KAZN: variants seen among roughly 807,000 people sequenced by gnomAD.
The protein encoded by KAZN is kazrin, periplakin interacting protein, also known as kazrin.
Under a neutral mutation model 87.4 loss-of-function variants are expected in KAZN, and 40 were observed. The observed-to-expected ratio is 0.46, with a 90% CI of 0.36 to 0.60. KAZN has a LOEUF of 0.60. KAZN is among the 20% of genes least tolerant of loss of function. The pLI, the probability that KAZN is intolerant of heterozygous loss-of-function variation, is 0.00. For missense variants in KAZN, 898 were observed against 1,073.9 expected, an observed-to-expected ratio of 0.84 and a Z score of 2.29; for synonymous variants, 466 against 458.3, an observed-to-expected ratio of 1.02 and a Z score of -0.22.
At chr1:14,695,708 G>A (rs141560427) in intron 1 of KAZN, among the ~76,000 whole-genome samples, 2,621 of 151,778 alleles carry the variant, frequency 0.017, 69 homozygotes, top group African/African-American at 0.049. Context: ...GTTTCATCAT[G>A]TTAGCCAGGC....
intron 1 of KAZN, among the ~76,000 whole-genome samples, chr1:14,818,400 A>T (rs1646635917): frequency 6.6e-6 from 1 of 152,238 alleles, no homozygotes; most frequent in Non-Finnish European, 1.5e-5. Flanking sequence ...AAGGAAATCC[A>T]GTGTAATAGC....
At chr1:14,202,184 A>G (rs1020612921) in intron 2 of KAZN, among the ~76,000 whole-genome samples, 1 of 152,204 alleles carries the variant, frequency 6.6e-6, no homozygotes, top group Admixed American at 6.5e-5. Flanking sequence ...AGGCAGGATT[A>G]GAACCAAGGC....
chr1:14,295,085 A>G (rs1654010137), intron 2 of KAZN, among the ~76,000 whole-genome samples: 1 of 152,066 alleles, frequency 6.6e-6, no homozygotes, highest in African/African-American at 2.4e-5. Flanking sequence ...TCATCCATCA[A>G]ATGAGGTTAA....
chr1:14,357,597 A>G (rs1253564435), intron 2 of KAZN, among the ~76,000 whole-genome samples: 1 of 152,198 alleles, frequency 6.6e-6, no homozygotes, highest in East Asian at 1.9e-4. Flanking sequence ...GATATGTTCC[A>G]TCAATACCTA....
At chr1:14,265,496 G>T (rs1651404181) in intron 2 of KAZN, among the ~76,000 whole-genome samples, 1 of 152,230 alleles carries the variant, frequency 6.6e-6, no homozygotes. Context: ...AAAAGCACTA[G>T]CCTTGAGCAG....
At chr1:14,983,486 G>A (rs866856548) in intron 2 of KAZN, among the ~76,000 whole-genome samples, 2 of 151,984 alleles carry the variant, frequency 1.3e-5, no homozygotes, top group Admixed American at 6.6e-5. Flanking sequence ...CCTCACCTGT[G>A]GTCGGTGGAA....
chr1:14,407,052 T>C (rs892201578), intron 2 of KAZN, among the ~76,000 whole-genome samples: 1 of 152,206 alleles, frequency 6.6e-6, no homozygotes, highest in African/African-American at 2.4e-5. Context: ...GTTTGCTTGT[T>C]TTCATGCTTT....
In KAZN at chr1:14,469,360, A is replaced by G. The variant is rs561975939; in HGVS notation, c.250-129623A>G. Among the ~76,000 whole-genome samples, 4 of 152,268 alleles carry G rather than the reference A, an allele frequency of 2.6e-5. No homozygotes were observed. The South Asian group carries it at 6.2e-4, about 24-fold the overall frequency. On this transcript the variant is annotated intron_variant, in intron 2 of 16. Transcript: ENST00000636203. ...CACTTTTATTTATCAGGAATGAAAA[A>G]CCAGTCCCCACACACAGCTAGTGAA...
In KAZN at chr1:15,094,394, C is replaced by T; in HGVS notation, c.1428+9C>T. 6.2e-7 allele frequency: 1 copy of T among 1,607,160 alleles called. No homozygotes were observed. Among genetic ancestry groups the T allele is most frequent in the Non-Finnish European group, 8.5e-7 (1 of 1,176,264 alleles). ...ACGTGAAGAGCGGGAAGGTAGGCAA[C>T]TCCGGGCCCCCTATGGGATGCCACC... On this transcript the variant is annotated intron_variant, in intron 9 of 14. Coordinates refer to ENST00000376030, the MANE Select transcript of KAZN (RefSeq NM_201628.3). The surrounding 1 kb of genome is among the most constrained non-coding windows in gnomAD (Gnocchi z 4.5).
intron 2 of KAZN, among the ~76,000 whole-genome samples, chr1:14,408,496 C>T (rs752273702): frequency 1.3e-5 from 2 of 151,066 alleles, no homozygotes; most frequent in East Asian, 4.0e-4. Context: ...ATTTTCTCAC[C>T]GTTGTCAAGG....
At chr1:14,333,844 C>A (rs1657024696) in intron 2 of KAZN, among the ~76,000 whole-genome samples, 1 of 152,062 alleles carries the variant, frequency 6.6e-6, no homozygotes, top group Non-Finnish European at 1.5e-5. Flanking sequence ...AGTTTTCCAG[C>A]AATGAGCAAA....
At position 14,568,183 on chromosome 1, in the gene KAZN, T is replaced by C. The variant is rs1341630856; in HGVS notation, c.250-30800T>C. Among the ~76,000 whole-genome samples the C allele has an allele frequency of 3.3e-5, 5 of 152,294 alleles. No individual in the cohort carries two copies. In the East Asian group the frequency reaches 9.7e-4, roughly 29 times the overall value. Reference sequence around the variant, plus strand: ...ATCCGTGCAAAAGAGGTCCTCCTCCTGGCCTTGAGGAAGCACAAAGCTACG... The same window carrying C: ...ATCCGTGCAAAAGAGGTCCTCCTCCCGGCCTTGAGGAAGCACAAAGCTACG... On this transcript the variant is annotated intron_variant, in intron 2 of 16. Transcript: ENST00000636203.
intron 1 of KAZN, among the ~76,000 whole-genome samples, chr1:13,955,497 G>A (rs1410707248): frequency 1.3e-5 from 2 of 151,802 alleles, no homozygotes; most frequent in African/African-American, 4.8e-5. Flanking sequence ...TGATTTTTGG[G>A]ATTTTAGACT....
rs555965323 is a variant in KAZN at position 14,671,662 on chromosome 1, T to C, written c.226+72439T>C. 6.5e-4 allele frequency among the ~76,000 whole-genome samples: 99 copies of C among 152,312 alleles called. 2 individuals are homozygous for C. The highest frequency in any genetic ancestry group is 3.4e-3 in the Middle Eastern group (1 of 294). On this transcript the variant is annotated intron_variant, in intron 1 of 14. Transcript: ENST00000376030. ...ATCCTTTTTTTTTTAAAGGACTGTTTGAAACATCCTAATTTTATGATGCCA... is the reference window on the plus strand; with the variant it reads ...ATCCTTTTTTTTTTAAAGGACTGTTCGAAACATCCTAATTTTATGATGCCA...
chr1:14,611,727 G>A (rs1007446184), intron 1 of KAZN, among the ~76,000 whole-genome samples: 14 of 152,002 alleles, frequency 9.2e-5, no homozygotes, highest in Non-Finnish European at 1.9e-4. Flanking sequence ...CCAAACTACT[G>A]GATATTATAG....
rs576514785 is a variant in KAZN at position 14,285,122 on chromosome 1, ATC to A, written c.249+104538_249+104539del. Among the ~76,000 whole-genome samples the A allele has an allele frequency of 7.9e-5, 12 of 152,300 alleles. No homozygotes were observed. The South Asian group carries it at 2.5e-3, about 32-fold the overall frequency. ...CTGATTACCTGTGACCTGAGGCCTA[ATC>A]TCTCTCTGTCTCAAGTGCCCAGTCG... On this transcript the variant is annotated intron_variant, in intron 2 of 16. Coordinates refer to the KAZN transcript ENST00000636203.
intron 2 of KAZN, among the ~76,000 whole-genome samples, chr1:14,285,329 G>A (rs1030031172): frequency 2.0e-5 from 3 of 152,146 alleles, no homozygotes; most frequent in Non-Finnish European, 4.4e-5. Context: ...GAGAACACTA[G>A]ACATTCTCCT....
intron 1 of KAZN, among the ~76,000 whole-genome samples, chr1:14,864,454 C>T (rs1278191930): frequency 2.0e-5 from 3 of 152,010 alleles, no homozygotes; most frequent in East Asian, 1.9e-4. Context: ...TCCAGCTACT[C>T]GGGAGGCTGA....
At chr1:13,970,071 T>G (rs1256091784) in intron 1 of KAZN, among the ~76,000 whole-genome samples, 2 of 152,234 alleles carry the variant, frequency 1.3e-5, no homozygotes, top group African/African-American at 4.8e-5. Context: ...CTAAATGCAC[T>G]AACATTCCTG....
Sources: allele counts gnomAD v4.1 joint callset (sites outside exome capture counted in the v4.1 genomes callset), GRCh38; gene constraint gnomAD v4.1.1; non-coding constraint Gnocchi (gnomAD v3.1); transcripts MANE v1.5; gene names NCBI Gene and HGNC (gene_info 2026-07-23, HGNC 2026-07-21).